The following NINL variants were observed in gnomAD, a reference collection of about 807,000 sequenced individuals.
NINL encodes the protein ninein like, also known as ninein-like protein.
A neutral mutation model predicts 160.3 loss-of-function variants in NINL; 153 were observed. The ratio of observed to expected loss-of-function variants is 0.95; its 90% CI spans 0.84 to 1.09. The LOEUF (loss-of-function observed/expected upper bound fraction) is 1.09. Among genes scored for constraint, NINL ranks in the 50% least tolerant of loss-of-function variants. The pLI, the probability that NINL is intolerant of heterozygous loss-of-function variation, is 0.00. For synonymous variants in NINL, 800 were observed against 734.8 expected (o/e 1.09, Z -1.43); for missense variants, 1,829 against 1,764.0 (o/e 1.04, Z -0.66).
intron 19 of NINL, among the ~76,000 whole-genome samples, chr20:25,467,020 C>T (rs1200303884): frequency 2.0e-5 from 3 of 152,190 alleles, no homozygotes; most frequent in African/African-American, 4.8e-5. Context: ...AGCTGGGCCT[C>T]GGGCCAGTGC....
intron 1 of NINL, among the ~76,000 whole-genome samples, chr20:25,574,977 T>C (rs912713370): frequency 6.6e-6 from 1 of 152,030 alleles, no homozygotes; most frequent in African/African-American, 2.4e-5. Flanking sequence ...TAAGATGGCA[T>C]CAGTTTTTAA....
chr20:25,481,817 C>T, intron 14 of NINL, 151 bp downstream of exon 14: 1 of 1,148,408 alleles, frequency 8.7e-7, no homozygotes, highest in Non-Finnish European at 1.2e-6. Flanking sequence ...ATCCCTGGAT[C>T]CTCCTTGGAA....
chr20:25,547,174 T>TA (rs2064744286), intron 1 of NINL, among the ~76,000 whole-genome samples: 1 of 152,010 alleles, frequency 6.6e-6, no homozygotes, highest in African/African-American at 2.4e-5. Flanking sequence ...TACACCAGCG[T>TA]TTATATTACT....
chr20:25,562,393 G>GCTGT (rs2064954642), intron 1 of NINL, among the ~76,000 whole-genome samples: 1 of 113,788 alleles, frequency 8.8e-6, no homozygotes, highest in Non-Finnish European at 1.9e-5. Context: ...TCGGATGGTT[G>GCTGT]CTGTGTCTGT....
At chr20:25,526,105 C>T (rs1189202912) in intron 2 of NINL, among the ~76,000 whole-genome samples, 1 of 152,186 alleles carries the variant, frequency 6.6e-6, no homozygotes, top group African/African-American at 2.4e-5. Context: ...CTTTGTGAAT[C>T]ACACACCACT....
intron 1 of NINL, among the ~76,000 whole-genome samples, chr20:25,549,015 G>C (rs1372986610): frequency 7.0e-6 from 1 of 142,644 alleles, no homozygotes; most frequent in Non-Finnish European, 1.5e-5. Flanking sequence ...GCTGACCCCA[G>C]TACCCACAGC....
intron 1 of NINL, among the ~76,000 whole-genome samples, chr20:25,547,911 C>A (rs1025795835): frequency 1.3e-5 from 2 of 152,182 alleles, no homozygotes; most frequent in African/African-American, 2.4e-5. Flanking sequence ...AAAGTTTTAA[C>A]GTGCATTTCC....
At chr20:25,488,968 C>T in intron 13 of NINL, 1 of 461,988 alleles carries the variant, frequency 2.2e-6, no homozygotes, top group Admixed American at 3.3e-5. Context: ...GACAGACGGA[C>T]ACGCATGGCA....
intron 8 of NINL, among the ~76,000 whole-genome samples, chr20:25,499,900 AG>A (rs1458310143): frequency 1.4e-5 from 2 of 145,106 alleles, no homozygotes; most frequent in East Asian, 4.2e-4. Flanking sequence ...GGAAAAGCGA[AG>A]GGTCGCACAA....
chr20:25,500,025 T>C (rs1256739445), intron 8 of NINL, among the ~76,000 whole-genome samples: 1 of 150,034 alleles, frequency 6.7e-6, no homozygotes, highest in Non-Finnish European at 1.5e-5. Flanking sequence ...AGCTCTGCAG[T>C]ACACCCACTA....
intron 8 of NINL, among the ~76,000 whole-genome samples, chr20:25,499,920 G>A (rs2063832773): frequency 1.2e-5 from 1 of 81,778 alleles, no homozygotes; most frequent in Admixed American, 1.9e-4. Context: ...AAATTAGCAA[G>A]ACAAACAGTA....
intron 1 of NINL, among the ~76,000 whole-genome samples, chr20:25,530,933 CG>C (rs2064446917): frequency 6.6e-6 from 1 of 152,066 alleles, no homozygotes; most frequent in African/African-American, 2.4e-5. Context: ...AGCAGACAAC[CG>C]GTCTGACGAA....
intron 1 of NINL, among the ~76,000 whole-genome samples, chr20:25,531,365 A>T (rs1007535672): frequency 6.6e-6 from 1 of 152,210 alleles, no homozygotes; most frequent in Non-Finnish European, 1.5e-5. Context: ...TCCTCAGCTT[A>T]CGAAAATGAT....
rs1273643174 is a variant in NINL, at chr20:25,461,602, C to CAA, written c.3614_3615dup (p.Glu1206LeufsTer4). 10 of 1,611,928 alleles carry CAA rather than the reference C, an allele frequency of 6.2e-6. No homozygotes were observed. The highest frequency in any genetic ancestry group is 7.6e-6 in the Non-Finnish European group (9 of 1,179,284). On this transcript the variant is annotated frameshift_variant, in exon 21 of 24. Transcript: ENST00000278886. LOFTEE classifies it high-confidence loss of function. ...CTCTGATGTTCCTGATTCAGGCATTCAAGTTCAACTCTAAGTTTTTGGATT... is the reference window on the plus strand; with the variant it reads ...CTCTGATGTTCCTGATTCAGGCATTCAAAAGTTCAACTCTAAGTTTTTGGATT...
At position 25,482,005 on chromosome 20, in the gene NINL, A is replaced by G. The variant is rs200462770; in HGVS notation, c.1773T>C (p.Asp591=). Residue 591 remains aspartate (D), a synonymous_variant, in exon 14 of 24, where the codon GAT becomes GAC. Transcript: ENST00000278886. ...GTCCAGGGAGCTGCCGTCTGCGCCC[A>G]TCCGGGCTCCATGAGGGGCTGTGCC... ...KNRHSPSWSP[D]GRRRQLPGLG... 213 of 1,598,434 alleles carry G rather than the reference A, an allele frequency of 1.3e-4. 1 individual carries two copies. The South Asian group carries it at 2.2e-3, about 17-fold the overall frequency.
chr20:25,464,852 C>T (rs907307247), intron 19 of NINL, among the ~76,000 whole-genome samples: 42 of 152,332 alleles, frequency 2.8e-4, no homozygotes, highest in African/African-American at 1.0e-3. Flanking sequence ...AGTTCCACCC[C>T]CTCCCATTTG....
intron 13 of NINL, among the ~76,000 whole-genome samples, chr20:25,488,520 G>A (rs540661917): frequency 1.6e-4 from 24 of 152,070 alleles, no homozygotes; most frequent in Non-Finnish European, 2.8e-4. Flanking sequence ...CACCGCACCC[G>A]GCCTCCTTCA....
In NINL at chr20:25,504,006, T is replaced by C; in HGVS notation, c.807A>G (p.Leu269=). Residue 269 remains leucine (L), a synonymous_variant, in exon 7 of 24, where the codon CTA becomes CTG. Transcript: ENST00000278886. ...QLGLFSHEPA[L]LLESSTRVKP... ...TAACCCGAGTGGAAGACTCTAGAAG[T>C]AGCGCGGGCTCATGACTGAAGAGGC... 1 of 1,613,964 alleles carries C rather than the reference T, an allele frequency of 6.2e-7. No individual in the cohort carries two copies. Among genetic ancestry groups the C allele is most frequent in the Non-Finnish European group, 8.5e-7 (1 of 1,179,942 alleles).
chr20:25,560,000 A>C (rs2064915635), intron 1 of NINL, among the ~76,000 whole-genome samples: 1 of 152,208 alleles, frequency 6.6e-6, no homozygotes, highest in African/African-American at 2.4e-5. Flanking sequence ...TGGTGTGAAC[A>C]TGACTCACCT....
Sources: allele counts gnomAD v4.1 joint callset (sites outside exome capture counted in the v4.1 genomes callset), GRCh38; gene constraint gnomAD v4.1.1; transcripts MANE v1.5; gene names NCBI Gene and HGNC (gene_info 2026-07-23, HGNC 2026-07-21).